Variants in LSM3 observed in about 807,000 individuals in gnomAD.
LSM3 encodes LSM3 homolog, U6 small nuclear RNA and mRNA degradation associated, also known as U6 snRNA-associated Sm-like protein LSm3.
A neutral mutation model predicts 15.4 loss-of-function variants in LSM3; 14 were observed. That is an observed-to-expected ratio of 0.91 (90% confidence interval 0.60 to 1.42). The LOEUF (loss-of-function observed/expected upper bound fraction) is 1.42. LSM3 is among the 40% of genes most tolerant of loss of function. LSM3 has a pLI of 0.00. For synonymous variants in LSM3, 46 were observed against 45.1 expected, an observed-to-expected ratio of 1.02 and a Z score of -0.08; for missense variants, 88 against 127.9, an observed-to-expected ratio of 0.69 and a Z score of 1.50.
intron 3 of LSM3, among the ~76,000 whole-genome samples, chr3:14,195,894 T>G (rs939344373): frequency 4.6e-5 from 7 of 151,972 alleles, no homozygotes; most frequent in African/African-American, 1.7e-4. Flanking sequence ...AGCTGGCATG[T>G]GCTGTGTTTC....
intron 3 of LSM3, among the ~76,000 whole-genome samples, chr3:14,184,528 G>A (rs973850189): frequency 4.9e-4 from 74 of 151,966 alleles, no homozygotes; most frequent in African/African-American, 1.6e-3. Context: ...GCCGAGGCGG[G>A]CGGATCACGA....
At chr3:14,186,651 A>C (rs72624482) in intron 3 of LSM3, among the ~76,000 whole-genome samples, 7,908 of 152,138 alleles carry the variant, frequency 0.052, 465 homozygotes, top group East Asian at 0.22. Context: ...TTATTTCTCC[A>C]AGAAAGAATA....
intron 2 of LSM3, among the ~76,000 whole-genome samples, chr3:14,182,186 C>G (rs980882992): frequency 6.6e-6 from 1 of 151,994 alleles, no homozygotes; most frequent in Non-Finnish European, 1.5e-5. Flanking sequence ...ATAGAGAGAC[C>G]CTGTCTCTAC....
chr3:14,195,033 A>T (rs1276510800), intron 3 of LSM3, among the ~76,000 whole-genome samples: 1 of 152,094 alleles, frequency 6.6e-6, no homozygotes, highest in Admixed American at 6.5e-5. Context: ...CTCAGCAGTC[A>T]CAGATGTGCA....
In LSM3 at chr3:14,198,312, A is replaced by C; in HGVS notation, c.*196A>C. On this transcript the variant is annotated 3_prime_UTR_variant, in exon 4 of 4. Coordinates refer to ENST00000306024, the MANE Select transcript of LSM3 (RefSeq NM_014463.3). ...GCTAAATGGTATTTTCATTTTTCTC[A>C]AGCTCTCCAATAAATATGACCACCA... The C allele has an allele frequency of 1.8e-6, 1 of 549,078 alleles. No homozygotes were observed. Among genetic ancestry groups the C allele is most frequent in the Admixed American group, 3.2e-5 (1 of 30,802 alleles). 34.0% of individuals were successfully genotyped at this position (549,078 alleles called of 1,614,324 possible).
In LSM3 at chr3:14,183,995, T is replaced by C; in HGVS notation, c.191T>C (p.Ile64Thr). ...GATGTGGAAGAAACTGTGACTACTA[T>C]AGAAATTGATGAAGAAACATATGAA... ...LGDVEETVTT[I>T]EIDEETYEEI... The change falls in exon 3 of 4, where the codon ATA (isoleucine) becomes ACA (threonine). Residue 64 changes from isoleucine to threonine, a missense_variant. Ile to Thr is a moderately conservative substitution (Grantham distance 89). Coordinates refer to ENST00000306024, the MANE Select transcript of LSM3 (RefSeq NM_014463.3). 6.2e-7 allele frequency: 1 copy of C among 1,608,896 alleles called. No homozygotes were observed. The highest frequency in any genetic ancestry group is 1.7e-5 in the Admixed American group (1 of 59,314).
At chr3:14,191,401 T>G (rs1697138423) in intron 3 of LSM3, among the ~76,000 whole-genome samples, 1 of 152,234 alleles carries the variant, frequency 6.6e-6, no homozygotes, top group South Asian at 2.1e-4. Context: ...CAGCTGTGAA[T>G]CTGTCTGGTC....
chr3:14,179,559 C>G (rs1206231947), intron 1 of LSM3, among the ~76,000 whole-genome samples: 1 of 152,170 alleles, frequency 6.6e-6, no homozygotes, highest in African/African-American at 2.4e-5. Context: ...AGCACTCCCG[C>G]TACTCTGGTT....
rs1697222384 is a variant in LSM3, at chr3:14,200,248, AG to A, written c.*2133del. 6.6e-6 allele frequency: 1 copy of A among 152,274 alleles called. No homozygotes were observed. The highest frequency in any genetic ancestry group is 2.1e-4 in the South Asian group (1 of 4,832). 9.4% of individuals were successfully genotyped at this position (152,274 alleles called of 1,614,324 possible). ...GGAGGGACAATAAAAGGTTAACTGC[AG>A]AATAGCCACCTATGTGTCAGGAAAT... On this transcript the variant is annotated 3_prime_UTR_variant, in exon 4 of 4. Coordinates refer to ENST00000306024, the MANE Select transcript of LSM3 (RefSeq NM_014463.3).
At chr3:14,181,442 AT>A in intron 1 of LSM3, 117 bp from the exon 2 acceptor site, 1 of 697,126 alleles carries the variant, frequency 1.4e-6, no homozygotes, top group Non-Finnish European at 2.6e-6. Context: ...CATTTTACAG[AT>A]TAGGAGACTG....
At chr3:14,188,820 A>AT (rs1328457163) in intron 3 of LSM3, among the ~76,000 whole-genome samples, 2 of 151,748 alleles carry the variant, frequency 1.3e-5, no homozygotes, top group African/African-American at 4.8e-5. Flanking sequence ...TTTTTTTTTA[A>AT]TTATACTTTA....
intron 3 of LSM3, among the ~76,000 whole-genome samples, chr3:14,196,067 C>T (rs1018545677): frequency 6.6e-6 from 1 of 152,028 alleles, no homozygotes; most frequent in Admixed American, 6.6e-5. Context: ...ATTCTCCTGC[C>T]TCAGCCTCCC....
Position 14,194,884 on chromosome 3 carries a change from A to G in LSM3, c.229-3152A>G, listed in dbSNP as rs1697174272. 2.0e-5 allele frequency among the ~76,000 whole-genome samples: 3 copies of G among 147,768 alleles called. No individual in the cohort carries two copies. The South Asian group carries it at 6.3e-4, about 31-fold the overall frequency. On this transcript the variant is annotated intron_variant, in intron 3 of 3. Transcript: ENST00000306024. Reference sequence around the variant, plus strand: ...TCTCAGGAATTATTTATCTGTAGCCAGATCTCCTGCCTGGGTGTTATGACC... The same window carrying G: ...TCTCAGGAATTATTTATCTGTAGCCGGATCTCCTGCCTGGGTGTTATGACC...
chr3:14,185,091 C>T (rs907194221), intron 3 of LSM3, among the ~76,000 whole-genome samples: 1 of 152,030 alleles, frequency 6.6e-6, no homozygotes, highest in Admixed American at 6.6e-5. Flanking sequence ...TGGCTCATGC[C>T]TGCAATCCCA....
intron 3 of LSM3, 76 bp downstream of exon 3, chr3:14,184,108 G>A: frequency 3.4e-6 from 5 of 1,477,208 alleles, no homozygotes; most frequent in Non-Finnish European, 4.5e-6. Flanking sequence ...CATATTTATG[G>A]GAAGCCTGTC....
chr3:14,182,889 T>A (rs1162720397), intron 2 of LSM3, among the ~76,000 whole-genome samples: 3 of 152,188 alleles, frequency 2.0e-5, no homozygotes, highest in Admixed American at 6.5e-5. Context: ...CACTCTTAAG[T>A]ACTGTGGTTC....
chr3:14,198,001 T>C (rs2124831149), intron 3 of LSM3, 35 bp from the exon 4 acceptor site: 1 of 1,532,108 alleles, frequency 6.5e-7, no homozygotes, highest in African/African-American at 1.4e-5. Context: ...AATACACAGT[T>C]GTACAAATAT....
At chr3:14,181,284 T>C (rs1404317066) in intron 1 of LSM3, among the ~76,000 whole-genome samples, 1 of 152,232 alleles carries the variant, frequency 6.6e-6, no homozygotes, top group Non-Finnish European at 1.5e-5. Context: ...CAAAGTATAG[T>C]CATGATTATT....
chr3:14,179,365 A>G (rs1696987628), intron 1 of LSM3, among the ~76,000 whole-genome samples: 2 of 152,224 alleles, frequency 1.3e-5, no homozygotes, highest in Admixed American at 1.3e-4. Context: ...AAATATAAAT[A>G]TGTAAGACTT....
Sources: gnomAD v4.1 joint callset for allele counts (sites outside exome capture counted in the v4.1 genomes callset) on GRCh38, gnomAD v4.1.1 for gene constraint, MANE v1.5 for transcripts, NCBI Gene and HGNC (gene_info 2026-07-23, HGNC 2026-07-21) for gene names.